CLEC16A: variants seen among roughly 807,000 people sequenced by gnomAD.
CLEC16A encodes the protein C-type lectin domain containing 16A.
A neutral mutation model predicts 109.5 loss-of-function variants in CLEC16A; 51 were observed. The observed-to-expected ratio is 0.47, with a 90% CI of 0.37 to 0.59. The LOEUF is 0.59. CLEC16A is among the 20% of genes least tolerant of loss of function. CLEC16A has a pLI of 0.00. For synonymous variants in CLEC16A, 673 were observed against 564.2 expected (o/e 1.19, Z -2.73); for missense variants, 1,339 against 1,394.0 (o/e 0.96, Z 0.63).
intron 11 of CLEC16A, among the ~76,000 whole-genome samples, chr16:11,007,249 C>A (rs1378083169): frequency 6.6e-6 from 1 of 152,162 alleles, no homozygotes; most frequent in Non-Finnish European, 1.5e-5. Context: ...GATGATAGGC[C>A]TTTGAACCTG....
chr16:11,057,734 A>C (rs1267240590), intron 18 of CLEC16A, among the ~76,000 whole-genome samples: 1 of 152,190 alleles, frequency 6.6e-6, no homozygotes, highest in South Asian at 2.1e-4. Flanking sequence ...TTTATTTAGC[A>C]AAGAAAAGCG....
At chr16:10,973,175 C>A in intron 7 of CLEC16A, 114 bp downstream of exon 7, 1 of 1,210,552 alleles carries the variant, frequency 8.3e-7, no homozygotes. Context: ...TCTGTGTAGG[C>A]AGAGCATGGA....
Position 11,166,400 on chromosome 16 carries a change from C to T in CLEC16A, c.2654C>T (p.Ala885Val). 5 of 1,601,826 alleles carry T rather than the reference C, an allele frequency of 3.1e-6. No individual in the cohort carries two copies. Among genetic ancestry groups the T allele is most frequent in the Non-Finnish European group, 4.2e-6 (5 of 1,178,086 alleles). ...SVDKVPGFAV[A>V]QCINQHSSPS... ...CTTTGTCTTGCAGGCTTCGCCGTGG[C>T]CCAGTGCATAAACCAGCACAGCTCC... Residue 885 changes from alanine to valine, a missense_variant, in exon 23 of 24, where the codon GCC becomes GTC. By Grantham distance (64) the Ala-to-Val change is moderately conservative. Transcript: ENST00000409790.
intron 11 of CLEC16A, among the ~76,000 whole-genome samples, chr16:11,010,574 C>A (rs1433586291): frequency 6.6e-6 from 1 of 152,208 alleles, no homozygotes; most frequent in Non-Finnish European, 1.5e-5. Flanking sequence ...CCCACACACC[C>A]CACGCACATT....
intron 13 of CLEC16A, chr16:11,027,535 C>G: frequency 4.5e-6 from 7 of 1,564,110 alleles, no homozygotes; most frequent in Non-Finnish European, 3.5e-6. Flanking sequence ...ACAGACAACA[C>G]AGTGATTGAG....
intron 19 of CLEC16A, 32 bp downstream of exon 19, chr16:11,061,054 G>C: frequency 6.3e-7 from 1 of 1,579,586 alleles, no homozygotes; most frequent in Non-Finnish European, 8.6e-7. Flanking sequence ...ACAGCAGGGG[G>C]CTGGGGGACA....
intron 10 of CLEC16A, among the ~76,000 whole-genome samples, chr16:10,990,710 CT>C (rs2043956124): frequency 6.6e-6 from 1 of 152,240 alleles, no homozygotes. Flanking sequence ...ACAGAATGGG[CT>C]TGGGGCAGCC....
chr16:11,150,829 G>T (rs970160674), intron 22 of CLEC16A, among the ~76,000 whole-genome samples: 1 of 152,144 alleles, frequency 6.6e-6, no homozygotes, highest in Non-Finnish European at 1.5e-5. Context: ...TCTGGTCCAG[G>T]CCTCCCTCCT....
chr16:11,098,502 T>C (rs2050732324), intron 19 of CLEC16A, among the ~76,000 whole-genome samples: 1 of 152,216 alleles, frequency 6.6e-6, no homozygotes, highest in African/African-American at 2.4e-5. Flanking sequence ...TGTGGCTTCC[T>C]AAGAGCTGAG....
At chr16:11,034,232 A>T (rs2046900864) in intron 13 of CLEC16A, among the ~76,000 whole-genome samples, 1 of 152,232 alleles carries the variant, frequency 6.6e-6, no homozygotes, top group Admixed American at 6.5e-5. Context: ...AATCGGCCCA[A>T]CATCTGGTTA....
rs183390001 is a variant in CLEC16A, at chr16:10,993,838, C to G, written c.1072-9236C>G. Among the ~76,000 whole-genome samples, 13 of 152,330 alleles carry G rather than the reference C, an allele frequency of 8.5e-5. No individual in the cohort carries two copies. In the East Asian group the frequency reaches 2.1e-3, roughly 25 times the overall value. On this transcript the variant is annotated intron_variant, in intron 10 of 23. Transcript: ENST00000409790. ...AATTAATTCATCCCACAAGCATTCC[C>G]TCTTGATTGAATGCCAGAGACAGTG...
Position 11,157,247 on chromosome 16 carries a change from G to T in CLEC16A, c.2642-9141G>T, listed in dbSNP as rs1467446317. ...CGTTGTGAGGTGCAGCCTAGTCAGT[G>T]ATCAGTGATGTGGGGGTCGCCCATG... On this transcript the variant is annotated intron_variant, in intron 22 of 23. Transcript: ENST00000409790. 13 of 1,200,988 alleles carry T rather than the reference G, an allele frequency of 1.1e-5. No homozygotes were observed. The South Asian group carries it at 1.6e-4, about 15-fold the overall frequency. 74.4% of individuals were successfully genotyped at this position (1,200,988 alleles called of 1,614,324 possible).
chr16:11,118,107 T>C (rs1217499356), intron 19 of CLEC16A, among the ~76,000 whole-genome samples: 1 of 152,062 alleles, frequency 6.6e-6, no homozygotes, highest in Non-Finnish European at 1.5e-5. Flanking sequence ...CCTAAGTAGC[T>C]GTGAGGCTAA....
At chr16:11,177,273 A>G (rs970624682) in intron 23 of CLEC16A, among the ~76,000 whole-genome samples, 1 of 152,174 alleles carries the variant, frequency 6.6e-6, no homozygotes, top group Non-Finnish European at 1.5e-5. Flanking sequence ...CAGGCTCATC[A>G]CTGGAAGGCA....
At chr16:11,038,913 C>A (rs2055778989) in intron 13 of CLEC16A, among the ~76,000 whole-genome samples, 1 of 152,200 alleles carries the variant, frequency 6.6e-6, no homozygotes, top group Non-Finnish European at 1.5e-5. Flanking sequence ...TCTGCCTCAC[C>A]TGGCTCACAA....
intron 13 of CLEC16A, among the ~76,000 whole-genome samples, chr16:11,032,343 G>T (rs1048765537): frequency 2.6e-5 from 4 of 152,318 alleles, no homozygotes; most frequent in South Asian, 4.1e-4. Flanking sequence ...CTGGGGGGCA[G>T]TTGGTCAGTT....
chr16:10,959,630 G>A (rs1007049064), intron 2 of CLEC16A, among the ~76,000 whole-genome samples: 3 of 152,096 alleles, frequency 2.0e-5, no homozygotes, highest in East Asian at 1.9e-4. Context: ...GACCTCAGGT[G>A]ATCCACCAGC....
At chr16:11,055,298 C>T (rs1225382700) in intron 18 of CLEC16A, among the ~76,000 whole-genome samples, 2 of 152,196 alleles carry the variant, frequency 1.3e-5, no homozygotes, top group Admixed American at 6.5e-5. Context: ...GAGCGCTCCT[C>T]CTGCAGATAG....
At position 11,047,328 on chromosome 16, in the gene CLEC16A, T is replaced by C. The variant is rs754926254; in HGVS notation, c.1852T>C (p.Tyr618His). 1 of 1,610,148 alleles carries C rather than the reference T, an allele frequency of 6.2e-7. No individual in the cohort carries two copies. The highest frequency in any genetic ancestry group is 8.5e-7 in the Non-Finnish European group (1 of 1,178,298). The change falls in exon 17 of 24, where the codon TAT (tyrosine) becomes CAT (histidine). Residue 618 changes from tyrosine (Y) to histidine (H), a missense_variant. Tyr to His is a moderately conservative substitution (Grantham distance 83). Around this residue, in one of 3 missense-constraint regions of CLEC16A, gnomAD observed 1,061 missense variants for 1,006.8 expected, o/e 1.05. Coordinates refer to ENST00000409790, the MANE Select transcript of CLEC16A (RefSeq NM_015226.3). Reference sequence around the variant, plus strand: ...TTTTTTGGACATGTTTGAAGATGAGTATAGGAGCATGACAGTAAGTGAGGG... The same window carrying C: ...TTTTTTGGACATGTTTGAAGATGAGCATAGGAGCATGACAGTAAGTGAGGG... ...DIFLDMFEDE[Y>H]RSMTMKPMNV...
Sources: gnomAD v4.1 joint callset for allele counts (sites outside exome capture counted in the v4.1 genomes callset) on GRCh38, gnomAD v4.1.1 for gene constraint, gnomAD v4.1.1 regional missense constraint, MANE v1.5 for transcripts, NCBI Gene and HGNC (gene_info 2026-07-23, HGNC 2026-07-21) for gene names.